JAKMIP3: variants seen among roughly 807,000 people sequenced by gnomAD.
JAKMIP3 encodes the protein Janus kinase and microtubule interacting protein 3.
JAKMIP3 carries 58 observed loss-of-function variants against 118.5 expected under a neutral mutation model. The ratio of observed to expected loss-of-function variants is 0.49; its 90% CI spans 0.40 to 0.61. The LOEUF (loss-of-function observed/expected upper bound fraction) is 0.61. Among genes scored for constraint, JAKMIP3 ranks in the 20% least tolerant of loss-of-function variants. The probability of loss-of-function intolerance (pLI) is 0.00; values close to 1 mark genes in which losing one functional copy is unlikely to be tolerated. For synonymous variants in JAKMIP3, 486 were observed against 451.2 expected (o/e 1.08, Z -0.98); for missense variants, 950 against 1,109.0 (o/e 0.86, Z 2.04).
At chr10:132,143,030 C>T (rs2053862612) in intron 11 of JAKMIP3, among the ~76,000 whole-genome samples, 2 of 152,132 alleles carry the variant, frequency 1.3e-5, no homozygotes, top group South Asian at 2.1e-4. Context: ...ACCCAGACCG[C>T]CCTGGTGACG....
At chr10:132,174,434 C>CGTGGGCTCT (rs1221050618) in intron 23 of JAKMIP3, among the ~76,000 whole-genome samples, 32 of 151,734 alleles carry the variant, frequency 2.1e-4, no homozygotes, top group African/African-American at 7.0e-4. Context: ...CAGTGGGCTC[C>CGTGGGCTCT]GTGGGCTCTG....
In JAKMIP3 at chr10:132,139,225, TGA is replaced by T. The variant is rs1183251721; in HGVS notation, c.1344+1049_1344+1050del. Among the ~76,000 whole-genome samples the T allele has an allele frequency of 3.2e-5, 4 of 123,084 alleles. 1 individual carries two copies. In the Admixed American group the frequency reaches 3.3e-4, roughly 10 times the overall value. The allele number at this position is 123,084 out of a possible 152,430, so 80.7% of individuals were successfully genotyped here. A position where few individuals can be genotyped will look rare whatever the true frequency, so the allele number is the denominator to read the frequency against. On this transcript the variant is annotated intron_variant, in intron 9 of 23. Transcript: ENST00000684848. ...GTGTGTGTGTGTATGTGTGTACATG[TGA>T]GTGTATATGCATCTGTGTGTGTATG...
At chr10:132,105,012 T>C in intron 2 of JAKMIP3, 69 bp downstream of exon 2, 1 of 1,518,008 alleles carries the variant, frequency 6.6e-7, no homozygotes, top group Non-Finnish European at 8.9e-7. Context: ...CCAGAGGCTC[T>C]TCCTGGAGTG....
chr10:132,154,302 A>G (rs2056723171), intron 19 of JAKMIP3, among the ~76,000 whole-genome samples: 1 of 152,210 alleles, frequency 6.6e-6, no homozygotes, highest in African/African-American at 2.4e-5. Flanking sequence ...AAGGCCATCC[A>G]GGTGTTGGTG....
chr10:132,063,578 C>T (rs7093909), upstream of JAKMIP3, among the ~76,000 whole-genome samples: 16,079 of 152,224 alleles, frequency 0.11, 940 homozygotes, highest in Middle Eastern at 0.18. Flanking sequence ...GGGTGTCAGC[C>T]CGGCCCAGCA....
At chr10:132,051,808 C>T (rs940546096) in intron 1 of JAKMIP3, among the ~76,000 whole-genome samples, 2 of 152,188 alleles carry the variant, frequency 1.3e-5, no homozygotes, top group Admixed American at 6.5e-5. Flanking sequence ...CGTTTCGCCA[C>T]ATTGCCCAGG....
chr10:132,162,739 G>A (rs2058480795), intron 19 of JAKMIP3, among the ~76,000 whole-genome samples: 1 of 86,406 alleles, frequency 1.2e-5, no homozygotes, highest in Non-Finnish European at 3.3e-5. Context: ...CCAAACCCCA[G>A]GAATTCATGA....
chr10:132,164,542 C>T (rs1486921898), intron 20 of JAKMIP3, 128 bp from the exon 21 acceptor site: 4 of 663,948 alleles, frequency 6.0e-6, no homozygotes, highest in African/African-American at 3.6e-5. Context: ...TCGTCAGGAG[C>T]CACGGGCCAT....
intron 11 of JAKMIP3, among the ~76,000 whole-genome samples, 157 bp from the exon 12 acceptor site, chr10:132,144,950 C>T (rs550595821): frequency 2.6e-4 from 39 of 152,248 alleles, no homozygotes; most frequent in Non-Finnish European, 4.4e-4. Flanking sequence ...AAACAGTTCT[C>T]CCTCTCTTAG....
chr10:132,061,187 TGACGGCGCACACACACACCTGCC>T, upstream of JAKMIP3, among the ~76,000 whole-genome samples: 1 of 116,814 alleles, frequency 8.6e-6, no homozygotes, highest in Non-Finnish European at 2.0e-5. Context: ...ACACCTGCCG[TGACGGCGCACACACACACCTGCC>T]GTGACGGCGC....
In JAKMIP3 at chr10:132,115,347, G is replaced by C. The variant is rs189905368; in HGVS notation, c.136-1730G>C. ...CAGTGGTACACTTCTGTGATCAGAG[G>C]GGGACTCTGGGCCCCTGCTACCGAT... On this transcript the variant is annotated intron_variant, in intron 2 of 23. Coordinates refer to ENST00000684848, the MANE Select transcript of JAKMIP3 (RefSeq NM_001323087.2). Among the ~76,000 whole-genome samples, 398 of 152,306 alleles carry C rather than the reference G, an allele frequency of 2.6e-3. 1 individual carries two copies. Among genetic ancestry groups the C allele is most frequent in the African/African-American group, 9.2e-3 (384 of 41,568 alleles).
At chr10:132,159,877 T>C (rs374685478) in intron 19 of JAKMIP3, among the ~76,000 whole-genome samples, 450 of 16,786 alleles carry the variant, frequency 0.027, 32 homozygotes, top group Non-Finnish European at 0.04. Context: ...GCTGGGGGGG[T>C]CTCTTCCTGT....
chr10:132,148,132 C>CTGAAAA, intron 14 of JAKMIP3, 82 bp downstream of exon 14: 1 of 598,710 alleles, frequency 1.7e-6, no homozygotes. Flanking sequence ...ACACAAAGCC[C>CTGAAAA]TGAACATGAA....
rs1173701247 is a variant in JAKMIP3 at position 132,180,662 on chromosome 10, TGTGCGTGTGTGTGCGCGC to T, written c.*1104-1693_*1104-1676del. 6.0e-5 allele frequency among the ~76,000 whole-genome samples: 2 copies of T among 33,416 alleles called. 1 individual carries two copies. Among genetic ancestry groups the T allele is most frequent in the African/African-American group, 3.0e-4 (2 of 6,586 alleles). 21.9% of individuals were successfully genotyped at this position (33,416 alleles called of 152,430 possible). A position where few individuals can be genotyped will look rare whatever the true frequency, so the allele number is the denominator to read the frequency against. On this transcript the variant is annotated intron_variant, in intron 23 of 23. Coordinates refer to ENST00000684848, the MANE Select transcript of JAKMIP3 (RefSeq NM_001323087.2). ...GCGTGTGTGCGTGTGCGTGTGCGTG[TGTGCGTGTGTGTGCGCGC>T]GCGTGTGTGTGCGTGCGTGTGTGTG...
At chr10:132,043,699 C>T (rs1164012927) in intron 1 of JAKMIP3, among the ~76,000 whole-genome samples, 1 of 152,182 alleles carries the variant, frequency 6.6e-6, no homozygotes, top group East Asian at 1.9e-4. Context: ...TCCACCTGGA[C>T]ACAGCATGAC....
Position 132,104,931 on chromosome 10 carries a change from G to A in JAKMIP3, c.123G>A (p.Gln41=), listed in dbSNP as rs1280610740. The A allele has an allele frequency of 6.3e-7, 1 of 1,591,874 alleles. No individual in the cohort carries two copies. The highest frequency in any genetic ancestry group is 8.6e-7 in the Non-Finnish European group (1 of 1,169,336). The change falls in exon 2 of 24, where the codon CAG becomes CAA. Residue 41 remains glutamine, a synonymous_variant. Coordinates refer to ENST00000684848, the MANE Select transcript of JAKMIP3 (RefSeq NM_001323087.2). ...CAGACATCCAGATCGAGCTGCAGCAGGAGAAGAGCAAGGTGGGCGCTCCCC... is the reference window on the plus strand; with the variant it reads ...CAGACATCCAGATCGAGCTGCAGCAAGAGAAGAGCAAGGTGGGCGCTCCCC... ...KLTDIQIELQ[Q]EKSKVSKVER...
chr10:132,180,398 T>C (rs1039447874), intron 23 of JAKMIP3, among the ~76,000 whole-genome samples: 1 of 100,536 alleles, frequency 9.9e-6, no homozygotes, highest in Non-Finnish European at 1.8e-5. Context: ...CTCAGCTGAC[T>C]GTGAGGGACA....
intron 23 of JAKMIP3, among the ~76,000 whole-genome samples, chr10:132,180,778 T>TGTGTGTGTGTGC (rs2061295787): frequency 2.2e-5 from 1 of 46,366 alleles, no homozygotes. Context: ...TGCGTGTGTG[T>TGTGTGTGTGTGC]GTGTGCGCGT....
chr10:132,057,807 G>T lies in JAKMIP3; in HGVS notation c.-138+21069G>T, dbSNP rs549082481. Among the ~76,000 whole-genome samples the T allele has an allele frequency of 2.0e-5, 3 of 152,350 alleles. No individual in the cohort carries two copies. The East Asian group carries it at 5.8e-4, about 29-fold the overall frequency. On this transcript the variant is annotated intron_variant, in intron 1 of 23. Transcript: ENST00000657785. Reference sequence around the variant, plus strand: ...GCTGTCTCCAGTGCCGTCCTGGACAGCGCCTCCCTCCCTCAACCCAGCATG... The same window carrying T: ...GCTGTCTCCAGTGCCGTCCTGGACATCGCCTCCCTCCCTCAACCCAGCATG...
Sources: allele counts gnomAD v4.1 joint callset (sites outside exome capture counted in the v4.1 genomes callset), GRCh38; gene constraint gnomAD v4.1.1; transcripts MANE v1.5; gene names NCBI Gene and HGNC (gene_info 2026-07-23, HGNC 2026-07-21).